SBF2: variants seen among roughly 807,000 people sequenced by gnomAD.
The protein encoded by SBF2 is SET binding factor 2.
In SBF2, 112 loss-of-function variants were observed where a neutral mutation model predicts 225.2. That is an observed-to-expected ratio of 0.50 (90% confidence interval 0.43 to 0.58). The LOEUF is 0.58. Among genes scored for constraint, SBF2 ranks in the 20% least tolerant of loss-of-function variants. SBF2 has a pLI of 0.00. For missense variants in SBF2, 1,996 were observed against 2,206.2 expected, an observed-to-expected ratio of 0.90 and a Z score of 1.91; for synonymous variants, 763 against 773.3, an observed-to-expected ratio of 0.99 and a Z score of 0.22.
chr11:10,036,143 C>T (rs764340421), intron 3 of SBF2, among the ~76,000 whole-genome samples: 4 of 152,148 alleles, frequency 2.6e-5, no homozygotes, highest in South Asian at 2.1e-4. Flanking sequence ...CCATAATTCT[C>T]GGCAAACTAA....
chr11:9,899,487 CAG>C (rs1177724132), intron 16 of SBF2, among the ~76,000 whole-genome samples: 2 of 127,414 alleles, frequency 1.6e-5, no homozygotes, highest in South Asian at 2.7e-4. Context: ...CTGGGTGACA[CAG>C]AGAGACACTG....
At chr11:9,830,777 A>C (rs1177082263) in intron 27 of SBF2, among the ~76,000 whole-genome samples, 3 of 150,778 alleles carry the variant, frequency 2.0e-5, no homozygotes, top group African/African-American at 4.8e-5. Context: ...AAACAAAACA[A>C]AAAACAAAAA....
intron 1 of SBF2, among the ~76,000 whole-genome samples, chr11:10,240,465 T>C (rs1253286095): frequency 1.3e-5 from 2 of 152,168 alleles, no homozygotes; most frequent in East Asian, 1.9e-4. Flanking sequence ...CGAATCATCA[T>C]GGACTAAGAA....
At chr11:9,811,289 T>C (rs568854924) in intron 30 of SBF2, 1 of 152,312 alleles carries the variant, frequency 6.6e-6, no homozygotes, top group African/African-American at 2.4e-5. Context: ...ACTCCCAAGA[T>C]ATGCAATGTA....
chr11:9,820,422 G>A (rs1358002362), intron 28 of SBF2, among the ~76,000 whole-genome samples: 1 of 152,174 alleles, frequency 6.6e-6, no homozygotes, highest in Non-Finnish European at 1.5e-5. Context: ...ACATGGCCAA[G>A]GCACACTGTG....
chr11:10,274,131 G>A (rs867046639), intron 1 of SBF2, among the ~76,000 whole-genome samples: 1 of 152,190 alleles, frequency 6.6e-6, no homozygotes, highest in Non-Finnish European at 1.5e-5. Flanking sequence ...TGGGAGTTAG[G>A]CCAGAATGTT....
intron 2 of SBF2, among the ~76,000 whole-genome samples, chr11:10,184,547 A>G (rs1956859218): frequency 6.6e-6 from 1 of 152,154 alleles, no homozygotes; most frequent in South Asian, 2.1e-4. Flanking sequence ...CTGTTGTGCA[A>G]CTAAACTCCA....
In SBF2 at chr11:10,046,503, GAAT is replaced by G. The variant is rs539890600; in HGVS notation, c.142-3525_142-3523del. ...CATTATATCGTATCAACAGGCTAAA[GAAT>G]AATAATCATGTGATCATACCAATAG... On this transcript the variant is annotated intron_variant, in intron 2 of 39. Transcript: ENST00000256190. Among the ~76,000 whole-genome samples the G allele has an allele frequency of 3.9e-3, 586 of 151,968 alleles. 4 individuals are homozygous for G. Among genetic ancestry groups the G allele is most frequent in the South Asian group, 5.4e-3 (26 of 4,810 alleles).
intron 34 of SBF2, among the ~76,000 whole-genome samples, chr11:9,790,149 C>T (rs964897444): frequency 5.9e-5 from 9 of 152,304 alleles, no homozygotes; most frequent in African/African-American, 1.4e-4. Context: ...GGCTTGGCTC[C>T]GAATATCTCT....
Position 9,963,680 on chromosome 11 carries a change from T to C in SBF2, c.1710+93A>G, listed in dbSNP as rs192985633. On this transcript the variant is annotated intron_variant, in intron 15 of 39. Transcript: ENST00000256190. The stretch of plus-strand genomic sequence containing the variant: ...GAGGATACTTTATTAGGAAAAGGGA[T>C]AGAATTAAAGAAGAGAGAAGCTGGT... 1.2e-4 allele frequency: 81 copies of C among 695,262 alleles called. No homozygotes were observed. In the East Asian group the frequency reaches 1.4e-3, roughly 12 times the overall value. The allele number at this position is 695,262 out of a possible 1,614,324, so 43.1% of individuals were successfully genotyped here.
chr11:10,002,161 G>C (rs1947995999), intron 7 of SBF2, among the ~76,000 whole-genome samples: 1 of 152,042 alleles, frequency 6.6e-6, no homozygotes, highest in Non-Finnish European at 1.5e-5. Flanking sequence ...GCAAATACCA[G>C]ATGTCATATT....
chr11:10,264,742 AC>A (rs930897099), intron 1 of SBF2, among the ~76,000 whole-genome samples: 29 of 60,952 alleles, frequency 4.8e-4, no homozygotes, highest in African/African-American at 1.6e-3. Context: ...CTAGCCCCCC[AC>A]CCCCCGACAG....
chr11:9,992,906 TA>T (rs1161974019), intron 11 of SBF2, 83 bp downstream of exon 11: 1 of 956,994 alleles, frequency 1.0e-6, no homozygotes, highest in East Asian at 2.6e-5. Flanking sequence ...AAGGTCAAAA[TA>T]AATGGCTCGG....
rs549176301 is a variant in SBF2 at position 10,280,635 on chromosome 11, A to G, written c.55+13380T>C. Among the ~76,000 whole-genome samples the G allele has an allele frequency of 2.2e-4, 33 of 152,340 alleles. 1 individual carries two copies. The highest frequency in any genetic ancestry group is 6.8e-3 in the Middle Eastern group (2 of 294). ...CAGATTACTGAAACAAATCATCTTA[A>G]TATGCTGCCTCTACTTCTTATTCTT... On this transcript the variant is annotated intron_variant, in intron 1 of 39. Transcript: ENST00000256190.
At chr11:10,278,859 G>T in intron 1 of SBF2, among the ~76,000 whole-genome samples, 1 of 150,804 alleles carries the variant, frequency 6.6e-6, no homozygotes, top group Admixed American at 6.6e-5. Context: ...TTTCCTAACA[G>T]TTTTTAATAA....
Position 9,868,542 on chromosome 11 carries a change from A to T in SBF2, c.1930-10146T>A, listed in dbSNP as rs185443960. Among the ~76,000 whole-genome samples the T allele has an allele frequency of 7.0e-3, 1,048 of 150,620 alleles. 10 individuals carry two copies. Among genetic ancestry groups the T allele is most frequent in the African/African-American group, 0.024 (980 of 40,608 alleles). On this transcript the variant is annotated intron_variant, in intron 17 of 39. Transcript: ENST00000256190. ...AATAAGTAAATAAATAAATAAAAAT[A>T]AAAAAAAAGTTTGTCTTTGTTTTTC...
At chr11:9,858,202 T>A in intron 18 of SBF2, 24 bp downstream of exon 18, 1 of 1,613,444 alleles carries the variant, frequency 6.2e-7, no homozygotes, top group Non-Finnish European at 8.5e-7. Flanking sequence ...CCCACACAAT[T>A]AGAGTTCTTT....
chr11:9,842,738 T>C lies in SBF2; in HGVS notation c.3143A>G (p.Lys1048Arg). The change falls in exon 25 of 40, where the codon AAA becomes AGA. Residue 1048 changes from lysine to arginine, a missense_variant. Lys to Arg is a conservative substitution (Grantham distance 26). Coordinates refer to ENST00000256190, the MANE Select transcript of SBF2 (RefSeq NM_030962.4). The stretch of plus-strand genomic sequence containing the variant: ...CCCAATTGTCATTTTCCCTGCCCTT[T>C]TGGCACCTTTCACAATTGTTTTTGA... ...TFSKTIVKGAKRAGKMTIGRQ... is the reference protein window; with the variant it reads ...TFSKTIVKGARRAGKMTIGRQ... 2 of 1,614,164 alleles carry C rather than the reference T, an allele frequency of 1.2e-6. No individual in the cohort carries two copies. Among genetic ancestry groups the C allele is most frequent in the Non-Finnish European group, 1.7e-6 (2 of 1,180,024 alleles).
At chr11:9,825,387 T>A (rs1855004680) in intron 28 of SBF2, among the ~76,000 whole-genome samples, 1 of 152,194 alleles carries the variant, frequency 6.6e-6, no homozygotes, top group Admixed American at 6.5e-5. Context: ...GACACCCTGA[T>A]CTTGGACTTC....
Sources: gnomAD v4.1 joint callset for allele counts (sites outside exome capture counted in the v4.1 genomes callset) on GRCh38, gnomAD v4.1.1 for gene constraint, MANE v1.5 for transcripts, NCBI Gene and HGNC (gene_info 2026-07-23, HGNC 2026-07-21) for gene names.